Variants in SNTG2 observed in about 807,000 individuals in gnomAD.
The protein encoded by SNTG2 is syntrophin gamma 2, also known as gamma-2-syntrophin.
Under a neutral mutation model 70.9 loss-of-function variants are expected in SNTG2, and 74 were observed. The observed-to-expected ratio is 1.04, with a 90% CI of 0.86 to 1.27. The LOEUF is 1.27. Ranked by LOEUF, SNTG2 falls within the 50% of genes most tolerant of loss-of-function variation. The pLI is 0.00. For synonymous variants in SNTG2, 278 were observed against 273.8 expected (o/e 1.02, Z -0.15); for missense variants, 717 against 690.7 (o/e 1.04, Z -0.43).
chr2:1,131,657 CT>C (rs968246217), intron 4 of SNTG2, among the ~76,000 whole-genome samples: 30 of 146,678 alleles, frequency 2.0e-4, no homozygotes, highest in Non-Finnish European at 3.2e-4. Context: ...TTTTTCTTTT[CT>C]TTTTTTTTTG....
chr2:1,253,228 T>C (rs934581570), intron 12 of SNTG2, among the ~76,000 whole-genome samples: 2 of 141,812 alleles, frequency 1.4e-5, no homozygotes, highest in African/African-American at 2.5e-5. Context: ...CCACCCACCC[T>C]CCTCCCCACA....
intron 8 of SNTG2, among the ~76,000 whole-genome samples, chr2:1,200,985 T>A (rs1045781499): frequency 2.0e-5 from 3 of 152,024 alleles, no homozygotes; most frequent in African/African-American, 7.2e-5. Context: ...GAAAACAGTA[T>A]GGAAGCTCTT....
rs540275197 is a variant in SNTG2, at chr2:966,134, C to T, written c.72+15066C>T. Among the ~76,000 whole-genome samples, 4 of 152,358 alleles carry T rather than the reference C, an allele frequency of 2.6e-5. No individual in the cohort carries two copies. In the South Asian group the frequency reaches 6.2e-4, roughly 24 times the overall value. Reference sequence around the variant, plus strand: ...GCATTTGCTCTTGTGGGGCCTGGACCAGAACCCACCTTGTCCCACCTCCCT... The same window carrying T: ...GCATTTGCTCTTGTGGGGCCTGGACTAGAACCCACCTTGTCCCACCTCCCT... On this transcript the variant is annotated intron_variant, in intron 1 of 16. Transcript: ENST00000308624.
intron 9 of SNTG2, 134 bp from the exon 10 acceptor site, chr2:1,237,754 C>A: frequency 8.8e-7 from 1 of 1,141,904 alleles, no homozygotes; most frequent in Non-Finnish European, 1.2e-6. Context: ...TACTGAGGCG[C>A]CTGAGGAAGT....
chr2:1,105,681 A>G lies in SNTG2; in HGVS notation c.325+7271A>G, dbSNP rs866056367. On this transcript the variant is annotated intron_variant, in intron 4 of 16. Transcript: ENST00000308624. ...CAAGCTCCTGCTCACTCTCCCTCCT[A>G]TGAGATTCTTCCTCAGGACCCTGCT... Among the ~76,000 whole-genome samples the G allele has an allele frequency of 7.9e-5, 12 of 152,200 alleles. No individual in the cohort carries two copies. The South Asian group carries it at 1.7e-3, about 21-fold the overall frequency.
chr2:1,112,798 TTAACC>T (rs1666589537), intron 4 of SNTG2, among the ~76,000 whole-genome samples: 1 of 151,014 alleles, frequency 6.6e-6, no homozygotes, highest in Admixed American at 6.6e-5. Flanking sequence ...TAAGTGAGGT[TTAACC>T]CTTGCAGTCG....
chr2:1,361,357 C>A (rs75026941), intron 16 of SNTG2, among the ~76,000 whole-genome samples: 13 of 123,218 alleles, frequency 1.1e-4, no homozygotes, highest in South Asian at 2.7e-4. Context: ...AAAAAAAAAA[C>A]TCACAGAATT....
intron 16 of SNTG2, among the ~76,000 whole-genome samples, chr2:1,360,016 T>C (rs1037115711): frequency 1.3e-5 from 2 of 150,600 alleles, no homozygotes; most frequent in African/African-American, 4.9e-5. Context: ...TTTCTTTACA[T>C]TTAAGGGCAC....
intron 8 of SNTG2, among the ~76,000 whole-genome samples, chr2:1,178,157 A>C (rs1671609060): frequency 6.6e-6 from 1 of 152,206 alleles, no homozygotes; most frequent in South Asian, 2.1e-4. Context: ...TTTGCTGTGC[A>C]GTGAGTTGAC....
chr2:1,155,152 TACACAC>T (rs531802863), intron 6 of SNTG2, among the ~76,000 whole-genome samples: 2 of 110,888 alleles, frequency 1.8e-5, no homozygotes, highest in African/African-American at 7.3e-5. Context: ...ACACACTCCA[TACACAC>T]ACACACGTAG....
intron 1 of SNTG2, among the ~76,000 whole-genome samples, chr2:986,699 A>AT (rs1487862004): frequency 1.3e-5 from 2 of 152,074 alleles, no homozygotes; most frequent in Non-Finnish European, 2.9e-5. Context: ...CAAGTGGAAC[A>AT]TTTTTTTCTA....
rs1317376391 is a variant in SNTG2 at position 1,197,529 on chromosome 2, G to GTATATATA, written c.592-11573_592-11572insATATATAT. 6.2e-3 allele frequency among the ~76,000 whole-genome samples: 635 copies of GTATATATA among 101,682 alleles called. 7 individuals are homozygous for GTATATATA. Among genetic ancestry groups the GTATATATA allele is most frequent in the East Asian group, 0.012 (24 of 1,960 alleles). 66.7% of individuals were successfully genotyped at this position (101,682 alleles called of 152,430 possible). ...TATGTATATATATGTGTGTGTGTGT[G>GTATATATA]TGTGTGTGTGTGTGTGTGTGTATAT... On this transcript the variant is annotated intron_variant, in intron 8 of 16. Transcript: ENST00000308624.
intron 4 of SNTG2, among the ~76,000 whole-genome samples, chr2:1,115,611 A>C (rs1180543362): frequency 6.9e-6 from 1 of 145,186 alleles, no homozygotes; most frequent in Non-Finnish European, 1.5e-5. Flanking sequence ...CTTTGAGAAG[A>C]ATCGTATGTA....
intron 1 of SNTG2, among the ~76,000 whole-genome samples, chr2:1,052,716 G>A (rs946417410): frequency 2.6e-5 from 4 of 152,244 alleles, no homozygotes; most frequent in South Asian, 2.1e-4. Flanking sequence ...CCATCCTTTC[G>A]TGGAAGCAGG....
intron 4 of SNTG2, among the ~76,000 whole-genome samples, chr2:1,129,493 A>G (rs1667894373): frequency 6.6e-6 from 1 of 152,218 alleles, no homozygotes; most frequent in Non-Finnish European, 1.5e-5. Flanking sequence ...GGAAATTAAT[A>G]ATTTCATCAC....
rs752193337 is a variant in SNTG2 at position 1,097,279 on chromosome 2, C to G, written c.211-917C>G. Reference sequence around the variant, plus strand: ...CTGGCCGGGGCGGGAGCTCCCAGGTCCCCCCTTCGGCGTGGGCTCTGCCAC... The same window carrying G: ...CTGGCCGGGGCGGGAGCTCCCAGGTGCCCCCTTCGGCGTGGGCTCTGCCAC... On this transcript the variant is annotated intron_variant, in intron 2 of 16. Coordinates refer to ENST00000308624, the MANE Select transcript of SNTG2 (RefSeq NM_018968.4). The surrounding 1 kb of genome is among the most constrained non-coding windows in gnomAD (Gnocchi z 4.1). Among the ~76,000 whole-genome samples, 15 of 152,220 alleles carry G rather than the reference C, an allele frequency of 9.9e-5. 1 individual carries two copies. The highest frequency in any genetic ancestry group is 7.9e-4 in the Admixed American group (12 of 15,284).
At chr2:1,114,584 T>C (rs563137477) in intron 4 of SNTG2, among the ~76,000 whole-genome samples, 21 of 149,010 alleles carry the variant, frequency 1.4e-4, no homozygotes, top group African/African-American at 5.2e-4. Context: ...CTTAGAGTCC[T>C]TTGAGGAGGA....
intron 1 of SNTG2, among the ~76,000 whole-genome samples, chr2:1,069,202 G>T (rs6761405): frequency 6.6e-6 from 1 of 151,878 alleles, no homozygotes; most frequent in Non-Finnish European, 1.5e-5. Context: ...CACGAAAATC[G>T]TGTCTGAAAG....
At chr2:1,272,488 A>C (rs1679078233) in intron 14 of SNTG2, among the ~76,000 whole-genome samples, 1 of 74,386 alleles carries the variant, frequency 1.3e-5, no homozygotes. Flanking sequence ...AAAAAAAAGG[A>C]TTCTGTTAGG....
Sources: gnomAD v4.1 joint callset for allele counts (sites outside exome capture counted in the v4.1 genomes callset) on GRCh38, gnomAD v4.1.1 for gene constraint, Gnocchi (gnomAD v3.1) non-coding constraint, MANE v1.5 for transcripts, NCBI Gene and HGNC (gene_info 2026-07-23, HGNC 2026-07-21) for gene names.